CCND3: variants seen among roughly 807,000 people sequenced by gnomAD.
CCND3 encodes cyclin D3.
A neutral mutation model predicts 28.7 loss-of-function variants in CCND3; 9 were observed. That is an observed-to-expected ratio of 0.31 (90% confidence interval 0.19 to 0.55). The LOEUF is 0.55. Ranked by LOEUF, CCND3 falls within the 20% of genes least tolerant of loss-of-function variation. The probability of loss-of-function intolerance (pLI) is 0.93; values close to 1 mark genes in which losing one functional copy is unlikely to be tolerated. For missense variants in CCND3, 315 were observed against 385.8 expected, an observed-to-expected ratio of 0.82 and a Z score of 1.54; for synonymous variants, 164 against 163.9, an observed-to-expected ratio of 1.00 and a Z score of 0.00.
chr6:42,015,360 T>C (rs534398776), intron 1 of CCND3, among the ~76,000 whole-genome samples: 2 of 152,216 alleles, frequency 1.3e-5, no homozygotes, highest in South Asian at 2.1e-4. Context: ...AAGTGCTTGA[T>C]ATACATTACC....
upstream of CCND3, among the ~76,000 whole-genome samples, chr6:41,945,737 G>C (rs914263076): frequency 5.9e-5 from 9 of 152,208 alleles, no homozygotes; most frequent in African/African-American, 1.9e-4. Context: ...ATGACTTTGA[G>C]AGAATTACTG....
Position 41,963,593 on chromosome 6 carries a change from A to C in CCND3, c.-45-23008T>G, listed in dbSNP as rs1761777986. 1.3e-5 allele frequency among the ~76,000 whole-genome samples: 2 copies of C among 152,348 alleles called. 1 individual carries two copies. Among genetic ancestry groups the C allele is most frequent in the East Asian group, 3.9e-4 (2 of 5,186 alleles). On this transcript the variant is annotated intron_variant, in intron 1 of 4. Transcript: ENST00000372988. ...CAGGCAATCAGCCATGCTGTCCTTG[A>C]CACAGGAGGCCAAACTCCAATCAGA...
In CCND3 at chr6:41,967,027, C is replaced by T. The variant is rs150090150; in HGVS notation, c.-45-26442G>A. On this transcript the variant is annotated intron_variant, in intron 1 of 4. Coordinates refer to the CCND3 transcript ENST00000372988. Reference sequence around the variant, plus strand: ...TTGTGTCAGGCCTTGTTTTAAGTGCCGGCTAACCATAGGTCGAAGGCTTCC... The same window carrying T: ...TTGTGTCAGGCCTTGTTTTAAGTGCTGGCTAACCATAGGTCGAAGGCTTCC... Among the ~76,000 whole-genome samples, 690 of 152,168 alleles carry T rather than the reference C, an allele frequency of 4.5e-3. 7 individuals carry two copies. Among genetic ancestry groups the T allele is most frequent in the African/African-American group, 0.014 (595 of 41,522 alleles).
chr6:41,958,240 G>A (rs1406480365), intron 1 of CCND3, among the ~76,000 whole-genome samples: 2 of 151,094 alleles, frequency 1.3e-5, no homozygotes, highest in Non-Finnish European at 3.0e-5. Flanking sequence ...CAAGTGATTC[G>A]CCCACCTTGG....
chr6:42,018,227 C>T (rs918733742), intron 1 of CCND3, among the ~76,000 whole-genome samples: 1 of 151,822 alleles, frequency 6.6e-6, no homozygotes, highest in Non-Finnish European at 1.5e-5. Context: ...GAGTCTTGCT[C>T]TGTCACCCAG....
chr6:42,037,004 T>A (rs1347391969), intron 1 of CCND3, among the ~76,000 whole-genome samples: 2 of 152,202 alleles, frequency 1.3e-5, no homozygotes, highest in Non-Finnish European at 2.9e-5. Flanking sequence ...AGTGGCGTGA[T>A]CTCAGCTCAC....
rs1461714617 is a variant in CCND3, at chr6:41,936,720, T to A, written c.575-25A>T. 1 of 1,607,662 alleles carries A rather than the reference T, an allele frequency of 6.2e-7. No homozygotes were observed. The highest frequency in any genetic ancestry group is 8.5e-7 in the Non-Finnish European group (1 of 1,175,752). ...TCTTGGAGAGGAGGAAAGGGAACCA[T>A]GAGAGAAGGAAACCTGAAGGATAAC... On this transcript the variant is annotated intron_variant, in intron 3 of 4. Coordinates refer to ENST00000372991, the MANE Select transcript of CCND3 (RefSeq NM_001760.5). The surrounding 1 kb of genome is among the most constrained non-coding windows in gnomAD (Gnocchi z 4.4).
intron 1 of CCND3, among the ~76,000 whole-genome samples, chr6:42,021,946 G>C (rs1206359461): frequency 6.6e-6 from 1 of 152,190 alleles, no homozygotes; most frequent in African/African-American, 2.4e-5. Flanking sequence ...AAGGGCTGAA[G>C]GAGGCTGGCA....
rs549098666 is a variant in CCND3, at chr6:41,971,311, C to T, written c.-45-30726G>A. Among the ~76,000 whole-genome samples the T allele has an allele frequency of 9.9e-5, 15 of 152,216 alleles. No homozygotes were observed. In the East Asian group the frequency reaches 2.7e-3, roughly 27 times the overall value. On this transcript the variant is annotated intron_variant, in intron 1 of 4. Coordinates refer to the CCND3 transcript ENST00000372988. ...TTCAGTTTTGTTTTGCTTTTAGAGA[C>T]AGGGTGTAACTACGTTGCCTAGACT...
chr6:41,961,909 C>T (rs12190238), intron 1 of CCND3, among the ~76,000 whole-genome samples: 28,542 of 152,102 alleles, frequency 0.19, 3,202 homozygotes, highest in Non-Finnish European at 0.25. Flanking sequence ...TCTTTCTCAG[C>T]TCCTCCTGCT....
intron 1 of CCND3, among the ~76,000 whole-genome samples, chr6:41,985,214 C>A (rs1458842077): frequency 6.6e-6 from 1 of 151,228 alleles, no homozygotes; most frequent in Non-Finnish European, 1.5e-5. Context: ...GGGGCCATAT[C>A]CAAAAAAATC....
At chr6:42,033,412 T>C (rs948942770) in intron 1 of CCND3, among the ~76,000 whole-genome samples, 4 of 151,292 alleles carry the variant, frequency 2.6e-5, no homozygotes, top group South Asian at 2.1e-4. Context: ...ATCACACCAT[T>C]GCACTCCAGC....
intron 1 of CCND3, among the ~76,000 whole-genome samples, chr6:41,967,303 C>T (rs1322672725): frequency 6.6e-6 from 1 of 152,110 alleles, no homozygotes; most frequent in Non-Finnish European, 1.5e-5. Context: ...TCAATGAATA[C>T]ATAATAATAT....
intron 1 of CCND3, among the ~76,000 whole-genome samples, chr6:41,957,859 T>A (rs1776477404): frequency 2.0e-5 from 3 of 152,166 alleles, no homozygotes; most frequent in African/African-American, 4.8e-5. Context: ...TTTTGTTTTT[T>A]AAAATTTTTT....
chr6:41,941,340 T>A lies in CCND3; in HGVS notation c.198+112A>T. 1 of 1,511,984 alleles carries A rather than the reference T, an allele frequency of 6.6e-7. No homozygotes were observed. Among genetic ancestry groups the A allele is most frequent in the Non-Finnish European group, 8.8e-7 (1 of 1,133,696 alleles). 93.7% of individuals were successfully genotyped at this position (1,511,984 alleles called of 1,614,324 possible). A position where few individuals can be genotyped will look rare whatever the true frequency, so the allele number is the denominator to read the frequency against. The stretch of plus-strand genomic sequence containing the variant: ...GTGAAAGGCCAGGCCCCGGGAGTCT[T>A]AGCCTCGGAGCATCCTGCAGATTGC... On this transcript the variant is annotated intron_variant, in intron 1 of 4. Transcript: ENST00000372991. The surrounding 1 kb of genome is among the most constrained non-coding windows in gnomAD (Gnocchi z 6.1).
intron 1 of CCND3, among the ~76,000 whole-genome samples, chr6:41,990,072 C>T (rs1762604572): frequency 6.6e-6 from 1 of 151,924 alleles, no homozygotes; most frequent in Admixed American, 6.6e-5. Flanking sequence ...CTAAAGACTA[C>T]CAAAAAACTG....
In CCND3 at chr6:41,960,824, C is replaced by G. The variant is rs904647881; in HGVS notation, c.-45-20239G>C. 3.3e-5 allele frequency among the ~76,000 whole-genome samples: 5 copies of G among 152,168 alleles called. No individual in the cohort carries two copies. The East Asian group carries it at 9.6e-4, about 29-fold the overall frequency. On this transcript the variant is annotated intron_variant, in intron 1 of 4. Transcript: ENST00000372988. Reference sequence around the variant, plus strand: ...TCCTTAAAAGGCTGGCCTCAACGTCCAAGCAAAGCAGGGGACCAAGATCAC... The same window carrying G: ...TCCTTAAAAGGCTGGCCTCAACGTCGAAGCAAAGCAGGGGACCAAGATCAC...
At chr6:42,002,699 A>G (rs1295484094) in intron 1 of CCND3, among the ~76,000 whole-genome samples, 1 of 151,608 alleles carries the variant, frequency 6.6e-6, no homozygotes, top group African/African-American at 2.4e-5. Context: ...AAAAAAATAC[A>G]AAAAATTAGC....
At chr6:41,996,204 C>A (rs1381916431) in intron 1 of CCND3, among the ~76,000 whole-genome samples, 1 of 150,144 alleles carries the variant, frequency 6.7e-6, no homozygotes, top group Non-Finnish European at 1.5e-5. Flanking sequence ...GGCTGGAGTG[C>A]ACTGGCATGA....
Sources: allele counts gnomAD v4.1 joint callset (sites outside exome capture counted in the v4.1 genomes callset), GRCh38; gene constraint gnomAD v4.1.1; non-coding constraint Gnocchi (gnomAD v3.1); transcripts MANE v1.5; gene names NCBI Gene and HGNC (gene_info 2026-07-23, HGNC 2026-07-21).